The following CAMLG variants were observed in gnomAD, a reference collection of about 807,000 sequenced individuals.
CAMLG encodes the protein guided entry of tail-anchored proteins factor CAMLG.
In CAMLG, 23 loss-of-function variants were observed where a neutral mutation model predicts 28.9. The observed-to-expected ratio is 0.80, with a 90% CI of 0.57 to 1.13. CAMLG has a LOEUF of 1.13. CAMLG is among the 50% of genes most tolerant of loss of function. The pLI is 0.00. For synonymous variants in CAMLG, 141 were observed against 146.5 expected (o/e 0.96, Z 0.27); for missense variants, 367 against 371.9 (o/e 0.99, Z 0.11).
chr5:134,742,616 A>AGTAT (rs1752998761), intron 2 of CAMLG, among the ~76,000 whole-genome samples: 1 of 152,210 alleles, frequency 6.6e-6, no homozygotes, highest in African/African-American at 2.4e-5. Flanking sequence ...AAGAATGCAG[A>AGTAT]AAAGCATAGC....
intron 3 of CAMLG, among the ~76,000 whole-genome samples, chr5:134,747,547 C>G (rs1340392063): frequency 6.6e-6 from 1 of 151,968 alleles, no homozygotes; most frequent in Non-Finnish European, 1.5e-5. Context: ...GGGGTTTCAC[C>G]GTGTTAGCCA....
chr5:134,746,640 T>G (rs1753052354), intron 3 of CAMLG, among the ~76,000 whole-genome samples: 1 of 151,912 alleles, frequency 6.6e-6, no homozygotes, highest in Non-Finnish European at 1.5e-5. Flanking sequence ...CCACACCCAC[T>G]TAATTTTTGT....
Position 134,751,937 on chromosome 5 carries a change from C to T in CAMLG, c.*987C>T, listed in dbSNP as rs1317896907. 1 of 152,248 alleles carries T rather than the reference C, an allele frequency of 6.6e-6. No homozygotes were observed. 9.4% of individuals were successfully genotyped at this position (152,248 alleles called of 1,614,324 possible). A position where few individuals can be genotyped will look rare whatever the true frequency, so the allele number is the denominator to read the frequency against. ...CCTCAGGTGATCTGCCCACCTCGGCCTCCCAAAGTGCTGGGATTACAGGCG... is the reference window on the plus strand; with the variant it reads ...CCTCAGGTGATCTGCCCACCTCGGCTTCCCAAAGTGCTGGGATTACAGGCG... On this transcript the variant is annotated 3_prime_UTR_variant, in exon 4 of 4. Transcript: ENST00000297156.
At chr5:134,744,261 C>T (rs767450566) in intron 3 of CAMLG, among the ~76,000 whole-genome samples, 1 of 152,116 alleles carries the variant, frequency 6.6e-6, no homozygotes, top group Admixed American at 6.6e-5. Flanking sequence ...CAGTGGCTCA[C>T]GCCTGTAATC....
At chr5:134,744,221 A>C (rs759363230) in intron 3 of CAMLG, among the ~76,000 whole-genome samples, 169 bp downstream of exon 3, 2 of 152,104 alleles carry the variant, frequency 1.3e-5, no homozygotes, top group Non-Finnish European at 2.9e-5. Flanking sequence ...GTTATACATT[A>C]AGTTCAAAAA....
chr5:134,738,553 G>C lies in CAMLG; in HGVS notation c.-68G>C. On this transcript the variant is annotated 5_prime_UTR_variant, in exon 1 of 4. Coordinates refer to ENST00000297156, the MANE Select transcript of CAMLG (RefSeq NM_001745.4). Reference sequence around the variant, plus strand: ...CGCGCGCCCTGCGGCCCGGCCTCTAGTCATCGCCCTCGCAGCGGCGGCCAA... The same window carrying C: ...CGCGCGCCCTGCGGCCCGGCCTCTACTCATCGCCCTCGCAGCGGCGGCCAA... 3 of 1,360,874 alleles carry C rather than the reference G, an allele frequency of 2.2e-6. No individual in the cohort carries two copies. Among genetic ancestry groups the C allele is most frequent in the Non-Finnish European group, 3.0e-6 (3 of 1,006,414 alleles). 84.3% of individuals were successfully genotyped at this position (1,360,874 alleles called of 1,614,324 possible). A position where few individuals can be genotyped will look rare whatever the true frequency, so the allele number is the denominator to read the frequency against.
intron 1 of CAMLG, among the ~76,000 whole-genome samples, chr5:134,739,195 A>G (rs1305231473): frequency 6.6e-6 from 1 of 152,154 alleles, no homozygotes; most frequent in Admixed American, 6.5e-5. Flanking sequence ...TTTTCCTTAC[A>G]GTGCCTTCTC....
chr5:134,740,144 A>C (rs576052189), intron 1 of CAMLG, among the ~76,000 whole-genome samples: 24 of 152,238 alleles, frequency 1.6e-4, no homozygotes, highest in African/African-American at 5.1e-4. Flanking sequence ...CTTGGCTTCC[A>C]AAAGTGCTGG....
chr5:134,743,901 G>C (rs1285250166), intron 2 of CAMLG, 86 bp from the exon 3 acceptor site: 3 of 668,390 alleles, frequency 4.5e-6, no homozygotes, highest in Non-Finnish European at 7.9e-6. Flanking sequence ...TACAGCTTTT[G>C]CTTGGAATTT....
At chr5:134,745,929 G>T (rs1038715896) in intron 3 of CAMLG, among the ~76,000 whole-genome samples, 2 of 150,384 alleles carry the variant, frequency 1.3e-5, no homozygotes, top group South Asian at 4.2e-4. Flanking sequence ...AGCTGAGGTC[G>T]GGATTTCGAG....
intron 1 of CAMLG, among the ~76,000 whole-genome samples, chr5:134,739,681 C>A (rs1561841324): frequency 6.6e-6 from 1 of 152,112 alleles, no homozygotes. Context: ...GACTTTTGTT[C>A]TGTAAGGCTT....
intron 1 of CAMLG, among the ~76,000 whole-genome samples, 176 bp from the exon 2 acceptor site, chr5:134,740,887 C>T (rs1580754686): frequency 6.6e-6 from 1 of 152,192 alleles, no homozygotes; most frequent in Non-Finnish European, 1.5e-5. Context: ...GGATTACAGG[C>T]GTGAGCCACG....
intron 1 of CAMLG, 137 bp downstream of exon 1, chr5:134,738,929 C>A: frequency 1.2e-6 from 1 of 825,658 alleles, no homozygotes; most frequent in Non-Finnish European, 1.9e-6. Flanking sequence ...CCCGCCCCTT[C>A]GGTGATATCC....
At chr5:134,745,970 C>A (rs576133133) in intron 3 of CAMLG, among the ~76,000 whole-genome samples, 141 of 151,462 alleles carry the variant, frequency 9.3e-4, no homozygotes, top group Non-Finnish European at 3.5e-4. Context: ...GAAACCCCGT[C>A]TCTACTACAA....
At chr5:134,748,429 C>T (rs536185865) in intron 3 of CAMLG, among the ~76,000 whole-genome samples, 65 of 152,074 alleles carry the variant, frequency 4.3e-4, no homozygotes, top group African/African-American at 1.4e-3. Context: ...TCCCAGCTAC[C>T]GGGGAGGCTG....
At position 134,745,435 on chromosome 5, in the gene CAMLG, CA is replaced by C. The variant is rs561389879; in HGVS notation, c.699+1399del. On this transcript the variant is annotated intron_variant, in intron 3 of 3. Coordinates refer to ENST00000297156, the MANE Select transcript of CAMLG (RefSeq NM_001745.4). ...GCCTGGGCGACAGAGCGAGACTCCT[CA>C]AAAAAAAAAAAAAAAGAAAGAAATT... 7.4e-3 allele frequency among the ~76,000 whole-genome samples: 607 copies of C among 81,506 alleles called. 4 individuals are homozygous for C. Among genetic ancestry groups the C allele is most frequent in the African/African-American group, 0.022 (465 of 21,014 alleles). The allele number at this position is 81,506 out of a possible 152,430, so 53.5% of individuals were successfully genotyped here. A position where few individuals can be genotyped will look rare whatever the true frequency, so the allele number is the denominator to read the frequency against.
chr5:134,747,394 C>G (rs1424702801), intron 3 of CAMLG, among the ~76,000 whole-genome samples: 1 of 151,968 alleles, frequency 6.6e-6, no homozygotes, highest in African/African-American at 2.4e-5. Context: ...CTCTGTCACC[C>G]AGGCTGGAGT....
chr5:134,741,217 A>T lies in CAMLG; in HGVS notation c.327A>T (p.Gln109His), dbSNP rs1211500660. ...GTGTGGCCGAGGTAAAGGGGACCCAACTGGGAGACAAATTGGACTCGTTCA... is the reference window on the plus strand; with the variant it reads ...GTGTGGCCGAGGTAAAGGGGACCCATCTGGGAGACAAATTGGACTCGTTCA... ...QGGVAEVKGT[Q>H]LGDKLDSFIK... The change falls in exon 2 of 4, where the codon CAA becomes CAT. Residue 109 changes from glutamine to histidine, a missense_variant. Physicochemically the swap from Gln to His is conservative, Grantham distance 24. Transcript: ENST00000297156. The T allele has an allele frequency of 1.2e-6, 2 of 1,614,094 alleles. No homozygotes were observed. Among genetic ancestry groups the T allele is most frequent in the African/African-American group, 2.7e-5 (2 of 74,932 alleles).
At chr5:134,744,547 G>T (rs1038129486) in intron 3 of CAMLG, among the ~76,000 whole-genome samples, 1 of 141,042 alleles carries the variant, frequency 7.1e-6, no homozygotes, top group Non-Finnish European at 1.5e-5. Context: ...AAAAAAAAAA[G>T]AGTAATTAGA....
Sources: allele counts gnomAD v4.1 joint callset (sites outside exome capture counted in the v4.1 genomes callset), GRCh38; gene constraint gnomAD v4.1.1; transcripts MANE v1.5; gene names NCBI Gene and HGNC (gene_info 2026-07-23, HGNC 2026-07-21).